The following PTGIR variants were observed in gnomAD, a reference collection of about 807,000 sequenced individuals.
PTGIR encodes prostaglandin I2 receptor.
A neutral mutation model predicts 17.6 loss-of-function variants in PTGIR; 16 were observed. The ratio of observed to expected loss-of-function variants is 0.91; its 90% CI spans 0.61 to 1.38. The LOEUF (loss-of-function observed/expected upper bound fraction) is 1.38, where lower values mean the gene tolerates loss of function less well. PTGIR is among the 40% of genes most tolerant of loss of function. The probability of loss-of-function intolerance (pLI) is 0.00; values close to 1 mark genes in which losing one functional copy is unlikely to be tolerated. For synonymous variants in PTGIR, 274 were observed against 255.4 expected (o/e 1.07, Z -0.69); for missense variants, 532 against 548.6 (o/e 0.97, Z 0.30).
At chr19:46,618,799 C>T (rs2122306368), downstream of PTGIR, among the ~76,000 whole-genome samples, 1 of 152,296 alleles carries the variant, frequency 6.6e-6, no homozygotes, top group South Asian at 2.1e-4. Context: ...GTGACCTTGA[C>T]CTGTTTTTAA....
Position 46,624,257 on chromosome 19 carries a change from G to C in PTGIR, c.-12-20C>G, listed in dbSNP as rs368007790. 7.1e-7 allele frequency: 1 copy of C among 1,416,830 alleles called. No individual in the cohort carries two copies. Among genetic ancestry groups the C allele is most frequent in the Non-Finnish European group, 9.2e-7 (1 of 1,091,340 alleles). The allele number at this position is 1,416,830 out of a possible 1,614,324, so 87.8% of individuals were successfully genotyped here. A position where few individuals can be genotyped will look rare whatever the true frequency, so the allele number is the denominator to read the frequency against. On this transcript the variant is annotated intron_variant, in intron 1 of 2. Coordinates refer to ENST00000291294, the MANE Select transcript of PTGIR (RefSeq NM_000960.4). The stretch of plus-strand genomic sequence containing the variant: ...TCTGGGCTGGAGGGTTCCCAAGGTG[G>C]GGGGTCAGAGGGAGCCAGGGCTACC...
chr19:46,618,170 A>G (rs1482416188), downstream of PTGIR, among the ~76,000 whole-genome samples: 3 of 151,646 alleles, frequency 2.0e-5, no homozygotes, highest in Admixed American at 1.3e-4. Context: ...GCCCGCCACC[A>G]CGCCCGGCTA....
chr19:46,613,845 C>A, the PTGIR span, among the ~76,000 whole-genome samples: 4 of 152,210 alleles, frequency 2.6e-5, no homozygotes, highest in Non-Finnish European at 5.9e-5. Context: ...CAAAGCCCAG[C>A]GCACTCGGAT....
chr19:46,622,418 T>C, intron 2 of PTGIR: 2 of 983,772 alleles, frequency 2.0e-6, no homozygotes, highest in Non-Finnish European at 2.4e-6. Flanking sequence ...GTTCTCTTGG[T>C]TTCCTGCCAA....
intron 1 of PTGIR, 199 bp from the exon 2 acceptor site, chr19:46,624,436 G>A: frequency 2.2e-6 from 1 of 449,606 alleles, no homozygotes; most frequent in Non-Finnish European, 3.9e-6. Context: ...CCACCTTCCT[G>A]TTTCTCTTTC....
Position 46,621,300 on chromosome 19 carries a change from C to T in PTGIR, c.1141G>A (p.Val381Ile), listed in dbSNP as rs201693978. The T allele has an allele frequency of 1.6e-5, 24 of 1,515,106 alleles. No homozygotes were observed. In the South Asian group the frequency reaches 1.6e-4, roughly 10 times the overall value. The allele number at this position is 1,515,106 out of a possible 1,614,324, so 93.9% of individuals were successfully genotyped here. The change falls in exon 3 of 3, where the codon GTC becomes ATC. Residue 381 changes from valine (V) to isoleucine (I), a missense_variant. Val to Ile is a conservative substitution (Grantham distance 29, BLOSUM62 3). Transcript: ENST00000291294. This position sits in a 1 kb window ranked among gnomAD's most constrained non-coding sequence, Gnocchi z 4.8. ...VGTSSKAEAS[V>I]ACSLC ...AAATGTCAGCAGAGGGAGCAGGCGA[C>T]GCTGGCTTCTGCTTTGGACGACGTT...
chr19:46,618,916 T>C (rs188199365), downstream of PTGIR, among the ~76,000 whole-genome samples: 140 of 152,342 alleles, frequency 9.2e-4, 1 homozygote, highest in African/African-American at 3.2e-3. Flanking sequence ...GGTGGTTTCC[T>C]TTTAAATTGT....
At position 46,625,045 on chromosome 19, in the gene PTGIR, C is replaced by G. The variant is rs2052787775; in HGVS notation, c.-61G>C. 6.5e-6 allele frequency: 1 copy of G among 154,094 alleles called. No homozygotes were observed. The highest frequency in any genetic ancestry group is 1.4e-5 in the Non-Finnish European group (1 of 69,190). 9.5% of individuals were successfully genotyped at this position (154,094 alleles called of 1,614,324 possible). ...CCTGTCCCGTGCGTCTGTGCCTTCA[C>G]TTGCTTTGCTCCTCGTGTCTCTCGC... On this transcript the variant is annotated 5_prime_UTR_variant, in exon 1 of 3. Coordinates refer to ENST00000291294, the MANE Select transcript of PTGIR (RefSeq NM_000960.4). The surrounding 1 kb of genome is among the most constrained non-coding windows in gnomAD (Gnocchi z 4.9).
At chr19:46,610,940 T>A in the PTGIR span, 1 of 152,698 alleles carries the variant, frequency 6.5e-6, no homozygotes, top group African/African-American at 2.4e-5. Context: ...AGTGGACGCC[T>A]CTGAACCACA....
chr19:46,612,592 A>C, the PTGIR span, among the ~76,000 whole-genome samples: 1 of 152,204 alleles, frequency 6.6e-6, no homozygotes, highest in Non-Finnish European at 1.5e-5. Flanking sequence ...AACCAGATCT[A>C]ACCCTGAGGA....
In PTGIR at chr19:46,621,655, C is replaced by T; in HGVS notation, c.786G>A (p.Gln262=). The T allele has an allele frequency of 1.2e-6, 2 of 1,612,290 alleles. No individual in the cohort carries two copies. Among genetic ancestry groups the T allele is most frequent in the Non-Finnish European group, 1.7e-6 (2 of 1,179,338 alleles). ...SLPLTIRCFT[Q]AVAPDSSSEM... is the part of the protein sequence containing the mutation. ...CACTGCTGCTGTCAGGGGCGACAGC[C>T]TGGGTGAAGCAGCGGATCTGAGGGC... The change falls in exon 3 of 3, where the codon CAG becomes CAA. Residue 262 remains glutamine (Q), a synonymous_variant. Coordinates refer to ENST00000291294, the MANE Select transcript of PTGIR (RefSeq NM_000960.4). This position sits in a 1 kb window ranked among gnomAD's most constrained non-coding sequence, Gnocchi z 4.8.
chr19:46,619,195 T>C (rs1257349971), downstream of PTGIR, among the ~76,000 whole-genome samples: 2 of 152,156 alleles, frequency 1.3e-5, no homozygotes, highest in East Asian at 3.9e-4. Flanking sequence ...CTCCGTCTTC[T>C]GTAGAAAGGA....
At chr19:46,615,513 C>A (rs1214609174), downstream of PTGIR, among the ~76,000 whole-genome samples, 1 of 152,066 alleles carries the variant, frequency 6.6e-6, no homozygotes, top group Non-Finnish European at 1.5e-5. Flanking sequence ...TATTATAAAA[C>A]ATTTCTTTTT....
chr19:46,616,152 C>T (rs191512447), downstream of PTGIR, among the ~76,000 whole-genome samples: 13 of 151,886 alleles, frequency 8.6e-5, no homozygotes, highest in Admixed American at 5.9e-4. Context: ...GGATTGTGAA[C>T]GAGGTAGGGC....
rs1206860296 is a variant in PTGIR at position 46,621,825 on chromosome 19, G to A, written c.769-153C>T. The A allele has an allele frequency of 1.4e-6, 2 of 1,409,026 alleles. No homozygotes were observed. Among genetic ancestry groups the A allele is most frequent in the Non-Finnish European group, 1.8e-6 (2 of 1,083,826 alleles). The allele number at this position is 1,409,026 out of a possible 1,614,324, so 87.3% of individuals were successfully genotyped here. A position where few individuals can be genotyped will look rare whatever the true frequency, so the allele number is the denominator to read the frequency against. ...AAAGACTAAGTAACAAATGTATCTG[G>A]GGAACACAGGGAGAGAAAGCCCCAG... is the stretch of plus-strand genomic sequence containing the variant. On this transcript the variant is annotated intron_variant, in intron 2 of 2. Transcript: ENST00000291294. This position sits in a 1 kb window ranked among gnomAD's most constrained non-coding sequence, Gnocchi z 4.8.
In PTGIR at chr19:46,621,142, C is replaced by A. The variant is rs373443618; in HGVS notation, c.*138G>T. 22 of 1,372,992 alleles carry A rather than the reference C, an allele frequency of 1.6e-5. No individual in the cohort carries two copies. The African/African-American group carries it at 3.1e-4, about 19-fold the overall frequency. 85.1% of individuals were successfully genotyped at this position (1,372,992 alleles called of 1,614,324 possible). ...CCAGAGCCAGCAGCGACTGCCCTGC[C>A]GCAGGAGAAACAGCAGCTGATCGGC... On this transcript the variant is annotated 3_prime_UTR_variant, in exon 3 of 3. Transcript: ENST00000291294. The surrounding 1 kb of genome is among the most constrained non-coding windows in gnomAD (Gnocchi z 4.8).
downstream of PTGIR, among the ~76,000 whole-genome samples, chr19:46,619,604 GGAAAGAAA>G (rs200994043): frequency 0.023 from 1,529 of 67,350 alleles, 92 homozygotes; most frequent in South Asian, 0.032. Context: ...AAGAAAGAAA[GGAAAGAAA>G]GAAAGAAAGA....
At chr19:46,614,794 G>T in the PTGIR span, among the ~76,000 whole-genome samples, 12 of 152,190 alleles carry the variant, frequency 7.9e-5, no homozygotes, top group Non-Finnish European at 1.8e-4. Context: ...ACCAAGGCAG[G>T]TAGATTATTT....
At chr19:46,616,338 T>A (rs1270938187), downstream of PTGIR, among the ~76,000 whole-genome samples, 1 of 141,104 alleles carries the variant, frequency 7.1e-6, no homozygotes, top group Non-Finnish European at 1.5e-5. Flanking sequence ...TTTTTTTTTT[T>A]TTTTTTTTTT....
Sources: gnomAD v4.1 joint callset for allele counts (sites outside exome capture counted in the v4.1 genomes callset) on GRCh38, gnomAD v4.1.1 for gene constraint, Gnocchi (gnomAD v3.1) non-coding constraint, MANE v1.5 for transcripts, NCBI Gene and HGNC (gene_info 2026-07-23, HGNC 2026-07-21) for gene names.